The following MRGPRX3 variants were observed in gnomAD, a reference collection of about 807,000 sequenced individuals.
MRGPRX3 encodes MAS related GPR family member X3, also known as mas-related G protein-coupled receptor member X3.
In MRGPRX3, 14 loss-of-function variants were observed where a neutral mutation model predicts 16.5. The ratio of observed to expected loss-of-function variants is 0.85; its 90% CI spans 0.56 to 1.33. MRGPRX3 has a LOEUF of 1.33. Ranked by LOEUF, MRGPRX3 falls within the 40% of genes most tolerant of loss-of-function variation. MRGPRX3 has a pLI of 0.00. For missense variants in MRGPRX3, 449 were observed against 413.0 expected (o/e 1.09, Z -0.76); for synonymous variants, 199 against 180.1 (o/e 1.10, Z -0.84).
At chr11:18,128,787 G>A (rs1848930090), upstream of MRGPRX3, among the ~76,000 whole-genome samples, 1 of 152,172 alleles carries the variant, frequency 6.6e-6, no homozygotes, top group South Asian at 2.1e-4. Context: ...CCACTGTCCT[G>A]CACCCACTGT....
chr11:18,127,237 C>G (rs1848908151), intron 1 of MRGPRX3, among the ~76,000 whole-genome samples: 1 of 152,164 alleles, frequency 6.6e-6, no homozygotes, highest in Non-Finnish European at 1.5e-5. Context: ...GTGAATCTGA[C>G]AATTATGTGT....
At chr11:18,128,713 C>A (rs983208390), upstream of MRGPRX3, among the ~76,000 whole-genome samples, 2 of 152,216 alleles carry the variant, frequency 1.3e-5, no homozygotes, top group African/African-American at 4.8e-5. Context: ...ATTCCCTGAC[C>A]CCTTGCACTT....
At position 18,138,151 on chromosome 11, in the gene MRGPRX3, G is replaced by A. The variant is rs1355761430; in HGVS notation, c.949G>A (p.Gly317Arg). 1 of 1,612,254 alleles carries A rather than the reference G, an allele frequency of 6.2e-7. No individual in the cohort carries two copies. The highest frequency in any genetic ancestry group is 8.5e-7 in the Non-Finnish European group (1 of 1,179,026). ...TCCTCAGGAAACCCTGGAGCTGTCG[G>A]GAAGCAGATTGGAGCAGTGAGGAAG... Reference protein sequence around the residue: ...WLPQETLELSGSRLEQ With the variant: ...WLPQETLELSRSRLEQ The change falls in exon 2 of 2, where the codon GGA (glycine) becomes AGA (arginine). Residue 317 changes from glycine (G) to arginine (R), a missense_variant. Gly to Arg is a moderately radical substitution (Grantham distance 125). Coordinates refer to ENST00000621697, the MANE Select transcript of MRGPRX3 (RefSeq NM_001370464.1).
In MRGPRX3 at chr11:18,137,894, C is replaced by T. The variant is rs768656583; in HGVS notation, c.692C>T (p.Pro231Leu). 155 of 1,614,032 alleles carry T rather than the reference C, an allele frequency of 9.6e-5. No individual in the cohort carries two copies. Among genetic ancestry groups the T allele is most frequent in the Non-Finnish European group, 1.2e-4 (142 of 1,180,046 alleles). The change falls in exon 2 of 2, where the codon CCC (proline) becomes CTC (leucine). Residue 231 changes from proline (P) to leucine (L), a missense_variant. Pro to Leu is a moderately conservative substitution (Grantham distance 98). Coordinates refer to ENST00000621697, the MANE Select transcript of MRGPRX3 (RefSeq NM_001370464.1). The stretch of plus-strand genomic sequence containing the variant: ...CTGGTCTTCCTCCTCTGTGGCCTGC[C>T]CTTTGGCATTCAGTGGGCCCTGTTT... ...TVLVFLLCGL[P>L]FGIQWALFSR...
chr11:18,134,834 C>T (rs1590307219), intron 1 of MRGPRX3, among the ~76,000 whole-genome samples: 1 of 152,322 alleles, frequency 6.6e-6, no homozygotes, highest in Admixed American at 6.5e-5. Flanking sequence ...TGTGATTCTT[C>T]CACTTAACAG....
chr11:18,122,762 ACT>A (rs1422149354), intron 1 of MRGPRX3, among the ~76,000 whole-genome samples: 1 of 152,098 alleles, frequency 6.6e-6, no homozygotes, highest in African/African-American at 2.4e-5. Context: ...GAATCGCCAC[ACT>A]CTCTTCCACA....
upstream of MRGPRX3, among the ~76,000 whole-genome samples, chr11:18,128,833 C>T (rs971162138): frequency 2.0e-4 from 30 of 152,208 alleles, no homozygotes; most frequent in African/African-American, 5.8e-4. Context: ...CAGTACCTCA[C>T]TTGGAAATGC....
chr11:18,124,016 C>T (rs939165828), intron 1 of MRGPRX3, among the ~76,000 whole-genome samples: 2 of 152,054 alleles, frequency 1.3e-5, no homozygotes, highest in Non-Finnish European at 2.9e-5. Context: ...CAAGAATGCT[C>T]TTGATTTTTG....
chr11:18,130,504 C>G (rs564043184), upstream of MRGPRX3, among the ~76,000 whole-genome samples: 2 of 152,210 alleles, frequency 1.3e-5, no homozygotes, highest in East Asian at 3.9e-4. Flanking sequence ...CTACAAAACA[C>G]AGCTGACATC....
intron 1 of MRGPRX3, among the ~76,000 whole-genome samples, chr11:18,124,057 G>A (rs1200763227): frequency 6.6e-6 from 1 of 152,212 alleles, no homozygotes; most frequent in African/African-American, 2.4e-5. Context: ...AGACTTTGCT[G>A]AATTTGCTTA....
upstream of MRGPRX3, among the ~76,000 whole-genome samples, chr11:18,131,623 G>A (rs1848961367): frequency 6.6e-6 from 1 of 151,942 alleles, no homozygotes; most frequent in African/African-American, 2.4e-5. Context: ...AAAACAGTGT[G>A]GAAATTTCTT....
intron 1 of MRGPRX3, among the ~76,000 whole-genome samples, chr11:18,127,073 T>C (rs902358148): frequency 6.6e-6 from 1 of 152,260 alleles, no homozygotes; most frequent in African/African-American, 2.4e-5. Context: ...CCACACTGAC[T>C]TCTTTAAGAA....
rs1212465868 is a variant in MRGPRX3 at position 18,125,839 on chromosome 11, C to G, written c.-152+4675C>G. Among the ~76,000 whole-genome samples the G allele has an allele frequency of 2.6e-5, 4 of 152,138 alleles. No individual in the cohort carries two copies. The East Asian group carries it at 7.7e-4, about 29-fold the overall frequency. Reference sequence around the variant, plus strand: ...TGGGAGTCTAAGTCTCTTTGTAGGTCTCTAAGGACTTGCTTTATGAATCTG... The same window carrying G: ...TGGGAGTCTAAGTCTCTTTGTAGGTGTCTAAGGACTTGCTTTATGAATCTG... On this transcript the variant is annotated intron_variant, in intron 1 of 2. Coordinates refer to the MRGPRX3 transcript ENST00000396275.
In MRGPRX3 at chr11:18,135,677, T is replaced by G. The variant is rs146325084; in HGVS notation, c.-25-1501T>G. ...TGGAGTTTGTTTAGGTTAATTTTTTTTTTCAGCCCACAATTTTGACTGTCA... is the reference window on the plus strand; with the variant it reads ...TGGAGTTTGTTTAGGTTAATTTTTTGTTTCAGCCCACAATTTTGACTGTCA... On this transcript the variant is annotated intron_variant, in intron 1 of 1. Transcript: ENST00000621697. 1.4e-3 allele frequency among the ~76,000 whole-genome samples: 218 copies of G among 152,304 alleles called. 1 individual carries two copies. The highest frequency in any genetic ancestry group is 5.0e-3 in the African/African-American group (209 of 41,582).
At chr11:18,123,509 A>C (rs904425162) in intron 1 of MRGPRX3, among the ~76,000 whole-genome samples, 1 of 152,066 alleles carries the variant, frequency 6.6e-6, no homozygotes, top group Non-Finnish European at 1.5e-5. Context: ...GATATGTGGC[A>C]TTATTTCTGA....
At chr11:18,126,877 A>C (rs1848902927) in intron 1 of MRGPRX3, among the ~76,000 whole-genome samples, 1 of 152,140 alleles carries the variant, frequency 6.6e-6, no homozygotes, top group Admixed American at 6.5e-5. Context: ...ACGTTTTCTT[A>C]ATCCAGTCTA....
At chr11:18,122,219 A>G (rs1437148370) in intron 1 of MRGPRX3, among the ~76,000 whole-genome samples, 3 of 152,010 alleles carry the variant, frequency 2.0e-5, no homozygotes, top group Admixed American at 2.0e-4. Flanking sequence ...TTTTATTATT[A>G]TACTTTAAGT....
At chr11:18,131,453 T>C (rs982608470), upstream of MRGPRX3, among the ~76,000 whole-genome samples, 5 of 152,142 alleles carry the variant, frequency 3.3e-5, no homozygotes, top group African/African-American at 1.2e-4. Flanking sequence ...CACTAATGAT[T>C]AGGGAAATGT....
At chr11:18,133,610 C>G (rs956777415) in intron 1 of MRGPRX3, among the ~76,000 whole-genome samples, 2 of 152,178 alleles carry the variant, frequency 1.3e-5, no homozygotes, top group African/African-American at 4.8e-5. Context: ...CTTACTCCTG[C>G]TCTCACCATG....
Sources: allele counts gnomAD v4.1 joint callset (sites outside exome capture counted in the v4.1 genomes callset), GRCh38; gene constraint gnomAD v4.1.1; transcripts MANE v1.5; gene names NCBI Gene and HGNC (gene_info 2026-07-23, HGNC 2026-07-21).